Variants in SPAG16 observed in about 807,000 individuals in gnomAD.
SPAG16 encodes sperm associated antigen 16.
SPAG16 carries 86 observed loss-of-function variants against 80.4 expected under a neutral mutation model. That is an observed-to-expected ratio of 1.07 (90% CI 0.90 to 1.28). SPAG16 has a LOEUF of 1.28. Ranked by LOEUF, SPAG16 falls within the 50% of genes most tolerant of loss-of-function variation. SPAG16 has a pLI of 0.00. For missense variants in SPAG16, 870 were observed against 765.3 expected (o/e 1.14, Z -1.61); for synonymous variants, 294 against 265.9 (o/e 1.11, Z -1.03).
chr2:214,132,656 C>T (rs756335164), intron 14 of SPAG16, among the ~76,000 whole-genome samples: 11 of 152,122 alleles, frequency 7.2e-5, no homozygotes, highest in Middle Eastern at 3.2e-3. Context: ...ATGAGTATCC[C>T]AGTCAGTGGA....
At position 213,711,138 on chromosome 2, in the gene SPAG16, AT is replaced by A. The variant is rs761945606; in HGVS notation, c.1071-151346del. Among the ~76,000 whole-genome samples the A allele has an allele frequency of 3.9e-5, 6 of 152,126 alleles. No individual in the cohort carries two copies. The South Asian group carries it at 1.2e-3, about 31-fold the overall frequency. On this transcript the variant is annotated intron_variant, in intron 10 of 15. Coordinates refer to ENST00000331683, the MANE Select transcript of SPAG16 (RefSeq NM_024532.5). Reference sequence around the variant, plus strand: ...TGCTGTACAGAATCATAAACTATCAATATTCCTAAATTAGCATGGTCCAGTC... The same window carrying A: ...TGCTGTACAGAATCATAAACTATCAAATTCCTAAATTAGCATGGTCCAGTC...
chr2:213,692,855 A>C (rs745973497), intron 10 of SPAG16, among the ~76,000 whole-genome samples: 8 of 151,998 alleles, frequency 5.3e-5, no homozygotes, highest in Admixed American at 2.0e-4. Flanking sequence ...TGAAAACTAT[A>C]TGTCAGTTCT....
chr2:213,931,968 A>G (rs1409389832), intron 12 of SPAG16, among the ~76,000 whole-genome samples: 1 of 151,702 alleles, frequency 6.6e-6, no homozygotes, highest in Admixed American at 6.6e-5. Flanking sequence ...CCAAGCTCTA[A>G]TTTATAATTA....
intron 13 of SPAG16, among the ~76,000 whole-genome samples, chr2:214,026,842 T>C (rs190760851): frequency 1.9e-4 from 29 of 151,654 alleles, no homozygotes; most frequent in Admixed American, 9.9e-4. Flanking sequence ...CTATACAATA[T>C]AAAATCCTTT....
chr2:213,944,050 G>A (rs1216565431), intron 12 of SPAG16, among the ~76,000 whole-genome samples: 1 of 152,182 alleles, frequency 6.6e-6, no homozygotes, highest in Non-Finnish European at 1.5e-5. Flanking sequence ...GTTTATCAGG[G>A]CTGCCACTCT....
At chr2:214,118,073 C>T (rs2054030889) in intron 14 of SPAG16, among the ~76,000 whole-genome samples, 1 of 152,142 alleles carries the variant, frequency 6.6e-6, no homozygotes, top group Admixed American at 6.6e-5. Context: ...TCTCTTTTTA[C>T]AGATGATATG....
chr2:214,351,456 C>T (rs886107821), intron 15 of SPAG16, among the ~76,000 whole-genome samples: 13 of 151,968 alleles, frequency 8.6e-5, no homozygotes, highest in Non-Finnish European at 1.3e-4. Flanking sequence ...AATCCCAGCA[C>T]TTTGGGAGGC....
chr2:214,125,875 G>T (rs1169773345), intron 14 of SPAG16, among the ~76,000 whole-genome samples: 1 of 151,494 alleles, frequency 6.6e-6, no homozygotes, highest in Non-Finnish European at 1.5e-5. Flanking sequence ...TGTCTATTTT[G>T]ATGCTTAGAT....
At chr2:213,776,744 A>G (rs1476181431) in intron 10 of SPAG16, among the ~76,000 whole-genome samples, 2 of 152,046 alleles carry the variant, frequency 1.3e-5, no homozygotes, top group Non-Finnish European at 2.9e-5. Context: ...TTTAGAGACT[A>G]ATATAGAGAA....
At chr2:214,084,642 C>A (rs548564993) in intron 13 of SPAG16, among the ~76,000 whole-genome samples, 2 of 152,238 alleles carry the variant, frequency 1.3e-5, no homozygotes, top group African/African-American at 4.8e-5. Context: ...TTTATATGTA[C>A]ATTTACAATT....
intron 10 of SPAG16, among the ~76,000 whole-genome samples, chr2:213,608,355 T>C (rs542013353): frequency 1.3e-5 from 2 of 152,228 alleles, no homozygotes; most frequent in South Asian, 4.2e-4. Context: ...CCCCGGTGTG[T>C]GATGTTCCCT....
chr2:213,714,424 T>G (rs536990139), intron 10 of SPAG16, among the ~76,000 whole-genome samples: 10 of 152,176 alleles, frequency 6.6e-5, no homozygotes, highest in South Asian at 2.1e-4. Context: ...CTTCCTCCTC[T>G]TTGGCCCTAG....
intron 4 of SPAG16, among the ~76,000 whole-genome samples, chr2:213,316,610 G>C (rs1273425021): frequency 6.6e-6 from 1 of 151,932 alleles, no homozygotes; most frequent in Admixed American, 6.6e-5. Context: ...GTTGGCTTCA[G>C]TTCCAGACAC....
intron 13 of SPAG16, among the ~76,000 whole-genome samples, chr2:214,073,384 C>T (rs182045918): frequency 1.3e-5 from 2 of 151,740 alleles, no homozygotes; most frequent in Admixed American, 6.6e-5. Context: ...ATTACAGGCG[C>T]CCACCACCAT....
At chr2:213,702,926 A>G (rs1007750354) in intron 10 of SPAG16, among the ~76,000 whole-genome samples, 1 of 152,188 alleles carries the variant, frequency 6.6e-6, no homozygotes, top group Non-Finnish European at 1.5e-5. Flanking sequence ...TTTTGCCGTG[A>G]CTGTGTTAGT....
At position 214,365,576 on chromosome 2, in the gene SPAG16, C is replaced by G. The variant is rs867501953; in HGVS notation, c.1721-44564C>G. Among the ~76,000 whole-genome samples the G allele has an allele frequency of 5.9e-5, 9 of 152,024 alleles. No homozygotes were observed. The Middle Eastern group carries it at 0.01, about 172-fold the overall frequency. On this transcript the variant is annotated intron_variant, in intron 15 of 15. Transcript: ENST00000331683. Reference sequence around the variant, plus strand: ...TATAATATGAGGGTAGTGTTAAGAACCAAATGGAAAAAAAATCCTTGTTTC... The same window carrying G: ...TATAATATGAGGGTAGTGTTAAGAAGCAAATGGAAAAAAAATCCTTGTTTC...
At chr2:213,506,761 A>C (rs1299173386) in intron 10 of SPAG16, among the ~76,000 whole-genome samples, 2 of 152,188 alleles carry the variant, frequency 1.3e-5, no homozygotes, top group Admixed American at 1.3e-4. Context: ...TTATTGGATT[A>C]ATTAATTAAA....
intron 15 of SPAG16, among the ~76,000 whole-genome samples, chr2:214,302,038 C>CA (rs1694589526): frequency 6.6e-6 from 1 of 151,892 alleles, no homozygotes; most frequent in Non-Finnish European, 1.5e-5. Flanking sequence ...TTTGTTTGCC[C>CA]AAAAGTTATT....
chr2:213,914,812 TTGCCCATTTTAA>T (rs2077873024), intron 11 of SPAG16, among the ~76,000 whole-genome samples: 1 of 152,180 alleles, frequency 6.6e-6, no homozygotes, highest in Non-Finnish European at 1.5e-5. Context: ...TTCTTGTTAT[TTGCCCATTTTAA>T]TGGAGTTGTT....
Sources: gnomAD v4.1 joint callset for allele counts (sites outside exome capture counted in the v4.1 genomes callset) on GRCh38, gnomAD v4.1.1 for gene constraint, MANE v1.5 for transcripts, NCBI Gene and HGNC (gene_info 2026-07-23, HGNC 2026-07-21) for gene names.